Variants in MARK2 observed in about 807,000 individuals in gnomAD.
MARK2 encodes the protein serine/threonine-protein kinase MARK2.
In MARK2, 16 loss-of-function variants were observed where a neutral mutation model predicts 89.8. The observed-to-expected ratio is 0.18, with a 90% CI of 0.12 to 0.27. The LOEUF is 0.27. Ranked by LOEUF, MARK2 falls within the 10% of genes least tolerant of loss-of-function variation. The probability of loss-of-function intolerance (pLI) is 1.00; values close to 1 mark genes in which losing one functional copy is unlikely to be tolerated. For synonymous variants in MARK2, 382 were observed against 399.5 expected (o/e 0.96, Z 0.52); for missense variants, 621 against 1,049.9 (o/e 0.59, Z 5.65).
rs554591845 is a variant in MARK2 at position 63,855,569 on chromosome 11, A to T, written c.54+16009A>T. On this transcript the variant is annotated intron_variant, in intron 1 of 18. Coordinates refer to ENST00000402010, the MANE Select transcript of MARK2 (RefSeq NM_001039469.3). ...AGTGCAGGATGACTAATGTAAAAGT[A>T]TATGAAATGTTCCTTGATAAAATTT... is the stretch of plus-strand genomic sequence containing the variant. Among the ~76,000 whole-genome samples, 9 of 152,230 alleles carry T rather than the reference A, an allele frequency of 5.9e-5. No individual in the cohort carries two copies. The East Asian group carries it at 1.7e-3, about 29-fold the overall frequency.
chr11:63,846,431 C>T (rs2016280263), intron 1 of MARK2, among the ~76,000 whole-genome samples: 2 of 151,768 alleles, frequency 1.3e-5, no homozygotes, highest in South Asian at 4.2e-4. Context: ...TCTCAGCTCA[C>T]TGCAACCTCC....
chr11:63,906,115 G>T lies in MARK2; in HGVS notation c.1961+1G>T. On this transcript the variant is annotated splice_donor_variant, in intron 17 of 18. Transcript: ENST00000402010. LOFTEE classifies it high-confidence loss of function. ...ATCTGTCTTTCAGGTTTGCCAGAAG[G>T]TAGGCGTTGAGCCCGCTGTGTGTGT... 1 of 1,334,152 alleles carries T rather than the reference G, an allele frequency of 7.5e-7. No homozygotes were observed. 82.6% of individuals were successfully genotyped at this position (1,334,152 alleles called of 1,614,324 possible).
Position 63,901,485 on chromosome 11 carries a change from T to TTTTC in MARK2, c.1101+419_1101+420insCTTT, listed in dbSNP as rs796289971. Among the ~76,000 whole-genome samples the TTTTC allele has an allele frequency of 1.6e-4, 21 of 134,682 alleles. 1 individual carries two copies. Among genetic ancestry groups the TTTTC allele is most frequent in the African/African-American group, 5.5e-4 (19 of 34,750 alleles). The allele number at this position is 134,682 out of a possible 152,430, so 88.4% of individuals were successfully genotyped here. ...TTTGAGTCTGTTGCTTTTTTTTTTT[T>TTTTC]TTTTTTTTTTGAGACGGAATTTCGC... is the stretch of plus-strand genomic sequence containing the variant. On this transcript the variant is annotated intron_variant, in intron 11 of 18. Coordinates refer to ENST00000402010, the MANE Select transcript of MARK2 (RefSeq NM_001039469.3).
In MARK2 at chr11:63,902,400, T is replaced by A; in HGVS notation, c.1234+70T>A. ...GAGAGGTTACAGGTTCTGTGGGGACTTGGGTAACACAACTAAGTTTCAGTC... is the reference window on the plus strand; with the variant it reads ...GAGAGGTTACAGGTTCTGTGGGGACATGGGTAACACAACTAAGTTTCAGTC... On this transcript the variant is annotated intron_variant, in intron 12 of 18. Coordinates refer to ENST00000402010, the MANE Select transcript of MARK2 (RefSeq NM_001039469.3). This position sits in a 1 kb window ranked among gnomAD's most constrained non-coding sequence, Gnocchi z 4.2. 1 of 1,590,130 alleles carries A rather than the reference T, an allele frequency of 6.3e-7. No homozygotes were observed.
chr11:63,856,321 G>GTTTTTTTTTTTTTT (rs1358748879), intron 1 of MARK2, among the ~76,000 whole-genome samples: 2 of 52,662 alleles, frequency 3.8e-5, no homozygotes, highest in African/African-American at 4.3e-5. Flanking sequence ...TTTTTTTTTT[G>GTTTTTTTTTTTTTT]TTTTTTTTTT....
At position 63,903,185 on chromosome 11, in the gene MARK2, C is replaced by G; in HGVS notation, c.1514+27C>G. 2.6e-6 allele frequency: 4 copies of G among 1,547,916 alleles called. No individual in the cohort carries two copies. The South Asian group carries it at 4.5e-5, about 17-fold the overall frequency. On this transcript the variant is annotated intron_variant, in intron 14 of 18. Coordinates refer to ENST00000402010, the MANE Select transcript of MARK2 (RefSeq NM_001039469.3). This position sits in a 1 kb window ranked among gnomAD's most constrained non-coding sequence, Gnocchi z 5.1. ...TGAGAGACCCGGGCCCTGCCTGCCT[C>G]ACTCCCTAGGAGCCATGTCTCACAG...
chr11:63,852,265 T>A (rs1273799706), intron 1 of MARK2, among the ~76,000 whole-genome samples: 2 of 152,246 alleles, frequency 1.3e-5, no homozygotes, highest in Non-Finnish European at 2.9e-5. Context: ...TCTTAGTACT[T>A]CTGTGCTCTT....
At chr11:63,860,504 A>T (rs1222307712) in intron 1 of MARK2, among the ~76,000 whole-genome samples, 1 of 151,464 alleles carries the variant, frequency 6.6e-6, no homozygotes, top group Non-Finnish European at 1.5e-5. Context: ...GTGAGCCGAG[A>T]TCATGCCACT....
At chr11:63,859,582 G>A (rs531291205) in intron 1 of MARK2, among the ~76,000 whole-genome samples, 2 of 151,534 alleles carry the variant, frequency 1.3e-5, no homozygotes, top group South Asian at 4.2e-4. Flanking sequence ...GCCTCCCAAA[G>A]TACTAGGATT....
chr11:63,861,469 T>G (rs1937777064), intron 1 of MARK2, among the ~76,000 whole-genome samples: 2 of 152,132 alleles, frequency 1.3e-5, no homozygotes, highest in Non-Finnish European at 2.9e-5. Flanking sequence ...TTTCAAATAT[T>G]TGTTTACTGT....
chr11:63,856,768 GTTTTTTTTTTTTTTTTTTTT>G (rs71039681), intron 1 of MARK2, among the ~76,000 whole-genome samples: 545 of 53,812 alleles, frequency 0.01, 10 homozygotes, highest in African/African-American at 0.038. Flanking sequence ...AATTTTTCAT[GTTTTTTTTTTTTTTTTTTTT>G]TTTTTTTTTT....
At chr11:63,847,497 G>T (rs1316848714) in intron 1 of MARK2, among the ~76,000 whole-genome samples, 1 of 152,182 alleles carries the variant, frequency 6.6e-6, no homozygotes, top group Non-Finnish European at 1.5e-5. Flanking sequence ...CTTCTCTGTA[G>T]AACCAGTCAA....
chr11:63,886,118 G>C (rs1325282631), intron 1 of MARK2, among the ~76,000 whole-genome samples: 1 of 149,192 alleles, frequency 6.7e-6, no homozygotes, highest in Non-Finnish European at 1.5e-5. Context: ...AACAGAGTGA[G>C]ACTCTATCTC....
Position 63,902,894 on chromosome 11 carries a change from A to T in MARK2, c.1416+112A>T. 9.0e-7 allele frequency: 1 copy of T among 1,108,000 alleles called. No homozygotes were observed. Among genetic ancestry groups the T allele is most frequent in the South Asian group, 1.4e-5 (1 of 73,714 alleles). The allele number at this position is 1,108,000 out of a possible 1,614,324, so 68.6% of individuals were successfully genotyped here. On this transcript the variant is annotated intron_variant, in intron 13 of 18. Coordinates refer to ENST00000402010, the MANE Select transcript of MARK2 (RefSeq NM_001039469.3). The surrounding 1 kb of genome is among the most constrained non-coding windows in gnomAD (Gnocchi z 4.2). ...CCCTTTGGCTACTACTTCTGCTTAT[A>T]GCAGGAAGCCTCGCTCCCAGCAGTA...
chr11:63,845,886 C>A (rs2016253526), intron 1 of MARK2, among the ~76,000 whole-genome samples: 1 of 152,060 alleles, frequency 6.6e-6, no homozygotes, highest in Non-Finnish European at 1.5e-5. Flanking sequence ...CCATGCCTGG[C>A]CACTTTTTGT....
At chr11:63,898,728 A>T (rs1290037405) in intron 5 of MARK2, 35 bp from the exon 6 acceptor site, 1 of 1,612,370 alleles carries the variant, frequency 6.2e-7, no homozygotes, top group Non-Finnish European at 8.5e-7. Context: ...ACCTCCAGCC[A>T]GCTCTGACTG....
At position 63,910,660 on chromosome 11, in the gene MARK2, T is replaced by TTA. The variant is rs1941698085; in HGVS notation, c.*1424_*1425insAT. 6.6e-6 allele frequency: 1 copy of TTA among 150,468 alleles called. No individual in the cohort carries two copies. The highest frequency in any genetic ancestry group is 1.5e-5 in the Non-Finnish European group (1 of 67,590). The allele number at this position is 150,468 out of a possible 1,614,324, so 9.3% of individuals were successfully genotyped here. A position where few individuals can be genotyped will look rare whatever the true frequency, so the allele number is the denominator to read the frequency against. On this transcript the variant is annotated 3_prime_UTR_variant, in exon 19 of 19. Transcript: ENST00000402010. ...TTTTATTATTTTATTTTATTTTTTTTTTTTTTGATTTATGATGACTCCACC... is the reference window on the plus strand; with the variant it reads ...TTTTATTATTTTATTTTATTTTTTTTTATTTTTTGATTTATGATGACTCCACC...
chr11:63,864,539 C>T (rs571575127), intron 1 of MARK2, among the ~76,000 whole-genome samples: 1 of 152,190 alleles, frequency 6.6e-6, no homozygotes, highest in Non-Finnish European at 1.5e-5. Flanking sequence ...GGATTACAGG[C>T]GTGAGCCACC....
At chr11:63,886,573 G>A (rs779007156) in intron 1 of MARK2, among the ~76,000 whole-genome samples, 3 of 152,074 alleles carry the variant, frequency 2.0e-5, no homozygotes, top group Non-Finnish European at 4.4e-5. Context: ...ACAGGTGTAC[G>A]CCACCACGCT....
Sources: gnomAD v4.1 joint callset for allele counts (sites outside exome capture counted in the v4.1 genomes callset) on GRCh38, gnomAD v4.1.1 for gene constraint, Gnocchi (gnomAD v3.1) non-coding constraint, MANE v1.5 for transcripts, NCBI Gene and HGNC (gene_info 2026-07-23, HGNC 2026-07-21) for gene names.